Variants in IGFBP7 observed in about 807,000 individuals in gnomAD.
IGFBP7 encodes the protein insulin-like growth factor-binding protein 7.
A neutral mutation model predicts 29.4 loss-of-function variants in IGFBP7; 31 were observed. That is an observed-to-expected ratio of 1.05 (90% CI 0.79 to 1.42). The LOEUF (loss-of-function observed/expected upper bound fraction) is 1.42. Among genes scored for constraint, IGFBP7 ranks in the 40% most tolerant of loss-of-function variants. The pLI is 0.00. For missense variants in IGFBP7, 393 were observed against 395.5 expected (o/e 0.99, Z 0.05); for synonymous variants, 172 against 174.9 (o/e 0.98, Z 0.13).
At chr4:57,087,009 C>T (rs2109791352) in intron 1 of IGFBP7, among the ~76,000 whole-genome samples, 1 of 152,320 alleles carries the variant, frequency 6.6e-6, no homozygotes, top group Non-Finnish European at 1.5e-5. Flanking sequence ...GCTGGGACCA[C>T]AGGCGTGAGC....
chr4:57,070,629 T>C (rs1048700789), intron 1 of IGFBP7, among the ~76,000 whole-genome samples: 1 of 152,232 alleles, frequency 6.6e-6, no homozygotes, highest in Non-Finnish European at 1.5e-5. Context: ...TTTATAATGA[T>C]GTAAGGCTCT....
intron 1 of IGFBP7, among the ~76,000 whole-genome samples, chr4:57,108,082 T>G (rs1024237831): frequency 1.3e-5 from 2 of 152,260 alleles, no homozygotes; most frequent in Admixed American, 1.3e-4. Context: ...CACATTTATC[T>G]TTTCATGATG....
chr4:57,094,424 G>A (rs962254199), intron 1 of IGFBP7, among the ~76,000 whole-genome samples: 5 of 152,148 alleles, frequency 3.3e-5, no homozygotes, highest in South Asian at 4.1e-4. Flanking sequence ...TAAGGGCCAC[G>A]TGGGATGCTC....
intron 1 of IGFBP7, among the ~76,000 whole-genome samples, chr4:57,071,190 T>C (rs28489436): frequency 0.057 from 8,538 of 149,562 alleles, 260 homozygotes; most frequent in Middle Eastern, 0.12. Context: ...CTGAAAACAC[T>C]GTTTTTGATA....
chr4:57,046,945 C>G (rs547570750), intron 1 of IGFBP7, among the ~76,000 whole-genome samples: 1 of 152,338 alleles, frequency 6.6e-6, no homozygotes, highest in Admixed American at 6.5e-5. Flanking sequence ...TCTCAACCCT[C>G]TAAATTCATT....
chr4:57,054,700 T>C (rs1440553500), intron 1 of IGFBP7, among the ~76,000 whole-genome samples: 1 of 149,648 alleles, frequency 6.7e-6, no homozygotes, highest in East Asian at 2.0e-4. Context: ...GGGAAGAGGA[T>C]GTAAGAGATT....
Position 57,033,315 on chromosome 4 carries a change from C to T in IGFBP7, c.586-4G>A, listed in dbSNP as rs774176570. 6.3e-7 allele frequency: 1 copy of T among 1,595,038 alleles called. No individual in the cohort carries two copies. ...CTCCATAGTGACCCCTTTTTACCTG[C>T]AAAAACAAAAGGAGAGTAATACTGA... is the stretch of plus-strand genomic sequence containing the variant. On this transcript the variant is annotated splice_polypyrimidine_tract_variant and splice_region_variant and intron_variant, in intron 2 of 4. Transcript: ENST00000295666.
At chr4:57,079,520 A>G (rs1725311595) in intron 1 of IGFBP7, among the ~76,000 whole-genome samples, 1 of 152,236 alleles carries the variant, frequency 6.6e-6, no homozygotes, top group African/African-American at 2.4e-5. Context: ...TGACAGAATA[A>G]TTACCCTGGC....
chr4:57,035,997 T>C (rs966251176), intron 2 of IGFBP7, among the ~76,000 whole-genome samples: 1 of 152,226 alleles, frequency 6.6e-6, no homozygotes, highest in Non-Finnish European at 1.5e-5. Flanking sequence ...GTATGTATGA[T>C]ATGTGTACTT....
At chr4:57,081,215 C>T (rs1725359253) in intron 1 of IGFBP7, among the ~76,000 whole-genome samples, 1 of 152,178 alleles carries the variant, frequency 6.6e-6, no homozygotes, top group Non-Finnish European at 1.5e-5. Context: ...TAGTTTTAAA[C>T]TTGCTTGGTA....
chr4:57,097,484 C>T (rs1213264053), intron 1 of IGFBP7, among the ~76,000 whole-genome samples: 1 of 152,200 alleles, frequency 6.6e-6, no homozygotes, highest in East Asian at 1.9e-4. Flanking sequence ...CCTGGGAACA[C>T]ATGAGGCAGT....
chr4:57,061,524 T>C (rs7663219), intron 1 of IGFBP7, among the ~76,000 whole-genome samples: 54,862 of 151,994 alleles, frequency 0.36, 10,313 homozygotes, highest in Non-Finnish European at 0.4. Context: ...ATCTGACAGC[T>C]GAGACAGCTA....
chr4:57,035,676 G>A (rs1409543953), intron 2 of IGFBP7, among the ~76,000 whole-genome samples: 14 of 152,170 alleles, frequency 9.2e-5, no homozygotes, highest in Non-Finnish European at 1.6e-4. Flanking sequence ...GGCCAGGGTG[G>A]TCTCGAACTC....
At chr4:57,096,712 T>G (rs1725771530) in intron 1 of IGFBP7, among the ~76,000 whole-genome samples, 1 of 152,230 alleles carries the variant, frequency 6.6e-6, no homozygotes, top group Non-Finnish European at 1.5e-5. Context: ...CTCTTCTTCA[T>G]ACCTTCATTT....
intron 1 of IGFBP7, among the ~76,000 whole-genome samples, chr4:57,060,461 C>T (rs962196085): frequency 6.6e-5 from 10 of 152,104 alleles, no homozygotes; most frequent in African/African-American, 1.7e-4. Flanking sequence ...TCTTGGTGCA[C>T]GCTTTGATCC....
At chr4:57,060,139 A>T (rs1393940659) in intron 1 of IGFBP7, among the ~76,000 whole-genome samples, 1 of 152,222 alleles carries the variant, frequency 6.6e-6, no homozygotes, top group African/African-American at 2.4e-5. Context: ...GGCGAAGTGC[A>T]ACTGGTCCTA....
At chr4:57,052,783 C>A (rs563484323) in intron 1 of IGFBP7, among the ~76,000 whole-genome samples, 8 of 152,158 alleles carry the variant, frequency 5.3e-5, no homozygotes, top group Non-Finnish European at 1.5e-5. Flanking sequence ...TAATAAGACA[C>A]CTCGTTTTGG....
intron 1 of IGFBP7, among the ~76,000 whole-genome samples, chr4:57,080,108 C>CCCA (rs1436970868): frequency 6.6e-6 from 1 of 152,136 alleles, no homozygotes; most frequent in African/African-American, 2.4e-5. Flanking sequence ...GGCCCTTTAG[C>CCCA]CCAACACAGG....
chr4:57,104,739 G>A (rs1725981952), intron 1 of IGFBP7, among the ~76,000 whole-genome samples: 2 of 152,122 alleles, frequency 1.3e-5, no homozygotes, highest in East Asian at 1.9e-4. Flanking sequence ...AAGGGGATAT[G>A]GAAATGTTGG....
Sources: allele counts gnomAD v4.1 joint callset (sites outside exome capture counted in the v4.1 genomes callset), GRCh38; gene constraint gnomAD v4.1.1; transcripts MANE v1.5; gene names NCBI Gene and HGNC (gene_info 2026-07-23, HGNC 2026-07-21).